Variants in TMTC1 observed in about 807,000 individuals in gnomAD.
The protein encoded by TMTC1 is transmembrane O-mannosyltransferase targeting cadherins 1.
Under a neutral mutation model 104.8 loss-of-function variants are expected in TMTC1, and 73 were observed. The ratio of observed to expected loss-of-function variants is 0.70; its 90% CI spans 0.58 to 0.85. TMTC1 has a LOEUF of 0.85. Ranked by LOEUF, TMTC1 falls within the 40% of genes least tolerant of loss-of-function variation. The pLI is 0.00. For synonymous variants in TMTC1, 434 were observed against 428.7 expected, an observed-to-expected ratio of 1.01 and a Z score of -0.15; for missense variants, 1,035 against 1,096.1, an observed-to-expected ratio of 0.94 and a Z score of 0.79.
chr12:29,530,979 C>T lies in TMTC1; in HGVS notation c.1785+5230G>A, dbSNP rs182124215. ...AACCATCCCCACTACCCATATATTC[C>T]TCTCCCACATTAGGTTAGGTCCCCT... is the stretch of plus-strand genomic sequence containing the variant. On this transcript the variant is annotated intron_variant, in intron 11 of 17. Coordinates refer to ENST00000539277, the MANE Select transcript of TMTC1 (RefSeq NM_001193451.2). Among the ~76,000 whole-genome samples, 25 of 152,112 alleles carry T rather than the reference C, an allele frequency of 1.6e-4. 1 individual carries two copies. Among genetic ancestry groups the T allele is most frequent in the African/African-American group, 5.3e-4 (22 of 41,414 alleles).
At chr12:29,784,605 A>G (rs1943914180), upstream of TMTC1, 1 of 152,200 alleles carries the variant, frequency 6.6e-6, no homozygotes, top group South Asian at 2.1e-4. Context: ...CGGCTCTTTA[A>G]CTTTACAGCC....
intron 5 of TMTC1, among the ~76,000 whole-genome samples, chr12:29,713,461 T>C (rs1941993889): frequency 6.6e-6 from 1 of 152,054 alleles, no homozygotes; most frequent in African/African-American, 2.4e-5. Context: ...CGATGCATGA[T>C]TTTGTAACAT....
At chr12:29,685,080 AT>A (rs1941049555) in intron 5 of TMTC1, among the ~76,000 whole-genome samples, 1 of 152,092 alleles carries the variant, frequency 6.6e-6, no homozygotes, top group Non-Finnish European at 1.5e-5. Context: ...ACACATTTTT[AT>A]TTTTACAGCT....
chr12:29,630,105 C>T (rs1283276903), intron 6 of TMTC1, among the ~76,000 whole-genome samples: 1 of 152,120 alleles, frequency 6.6e-6, no homozygotes, highest in Non-Finnish European at 1.5e-5. Flanking sequence ...CCTCCAACCC[C>T]ACATGTTTTC....
chr12:29,517,838 C>T (rs911739624), intron 13 of TMTC1, among the ~76,000 whole-genome samples: 1 of 152,098 alleles, frequency 6.6e-6, no homozygotes, highest in East Asian at 1.9e-4. Context: ...CCTCAGCCTC[C>T]TGAGTAGCAG....
At chr12:29,728,724 C>T (rs1183100124) in intron 5 of TMTC1, among the ~76,000 whole-genome samples, 3 of 151,642 alleles carry the variant, frequency 2.0e-5, no homozygotes, top group East Asian at 1.9e-4. Context: ...TCTGGCAAGG[C>T]GCAGTGGCTT....
At chr12:29,591,686 T>C (rs1033878681) in intron 7 of TMTC1, among the ~76,000 whole-genome samples, 1 of 152,250 alleles carries the variant, frequency 6.6e-6, no homozygotes, top group African/African-American at 2.4e-5. Context: ...CTGCTAGGCA[T>C]GCAGCACTTA....
chr12:29,747,143 G>GGT (rs1322859279), intron 5 of TMTC1, among the ~76,000 whole-genome samples: 1 of 152,100 alleles, frequency 6.6e-6, no homozygotes, highest in Non-Finnish European at 1.5e-5. Context: ...TACATATATA[G>GGT]GTGTGTATAT....
intron 5 of TMTC1, among the ~76,000 whole-genome samples, chr12:29,669,828 C>T (rs11050350): frequency 0.21 from 32,560 of 152,060 alleles, 3,899 homozygotes; most frequent in East Asian, 0.29. Context: ...AAGAGCTTTT[C>T]GATTCATTCT....
intron 7 of TMTC1, among the ~76,000 whole-genome samples, chr12:29,594,071 T>C (rs1192139902): frequency 2.6e-5 from 4 of 152,180 alleles, no homozygotes; most frequent in Non-Finnish European, 5.9e-5. Context: ...GATGGTGCCT[T>C]TACTCCAGGA....
chr12:29,756,849 T>C (rs1943227676), intron 3 of TMTC1, among the ~76,000 whole-genome samples: 1 of 152,206 alleles, frequency 6.6e-6, no homozygotes, highest in Non-Finnish European at 1.5e-5. Context: ...TTTTTTTCTA[T>C]TGAGTTGGTC....
chr12:29,507,471 C>T (rs1053751070), intron 17 of TMTC1, among the ~76,000 whole-genome samples: 4 of 152,190 alleles, frequency 2.6e-5, no homozygotes, highest in African/African-American at 9.7e-5. Context: ...TAGTCTTCAG[C>T]TTAAAACGTA....
At chr12:29,725,412 C>A (rs961396836) in intron 5 of TMTC1, among the ~76,000 whole-genome samples, 1 of 152,040 alleles carries the variant, frequency 6.6e-6, no homozygotes, top group South Asian at 2.1e-4. Flanking sequence ...CAGCTCACTG[C>A]AACCTCAGCC....
rs1183660625 is a variant in TMTC1 at position 29,505,589 on chromosome 12, AGTGT to A, written c.*1253_*1256del. On this transcript the variant is annotated 3_prime_UTR_variant, in exon 18 of 18. Transcript: ENST00000539277. The stretch of plus-strand genomic sequence containing the variant: ...CCACTTTGTACAGAGAAAAAAGAAG[AGTGT>A]GTATGTATATATTAAATATTTTATA... The A allele has an allele frequency of 3.9e-5, 6 of 152,174 alleles. No homozygotes were observed. The highest frequency in any genetic ancestry group is 9.7e-5 in the African/African-American group (4 of 41,436). The allele number at this position is 152,174 out of a possible 1,614,324, so 9.4% of individuals were successfully genotyped here. A position where few individuals can be genotyped will look rare whatever the true frequency, so the allele number is the denominator to read the frequency against.
intron 14 of TMTC1, 47 bp downstream of exon 14, chr12:29,517,380 C>G (rs1256712023): frequency 1.2e-6 from 2 of 1,610,204 alleles, no homozygotes; most frequent in Non-Finnish European, 1.7e-6. Context: ...CTCTCTATGG[C>G]TGCCTGTGCT....
chr12:29,537,889 C>A (rs576451643), intron 10 of TMTC1, among the ~76,000 whole-genome samples: 12 of 152,222 alleles, frequency 7.9e-5, no homozygotes, highest in East Asian at 7.7e-4. Flanking sequence ...CTATCATAGA[C>A]CTTGGGGAAA....
chr12:29,743,795 A>C (rs1165593892), intron 5 of TMTC1, among the ~76,000 whole-genome samples: 1 of 152,192 alleles, frequency 6.6e-6, no homozygotes, highest in African/African-American at 2.4e-5. Flanking sequence ...AGGTTACATT[A>C]AAAAAGAGAA....
intron 16 of TMTC1, among the ~76,000 whole-genome samples, chr12:29,512,889 T>A (rs1271070045): frequency 6.6e-6 from 1 of 152,230 alleles, no homozygotes; most frequent in East Asian, 1.9e-4. Context: ...ATTACAAAGC[T>A]AAGTATTTGT....
intron 2 of TMTC1, among the ~76,000 whole-genome samples, chr12:29,765,798 A>G (rs900310795): frequency 1.3e-5 from 2 of 152,214 alleles, no homozygotes; most frequent in African/African-American, 4.8e-5. Flanking sequence ...CCTAGCTTTC[A>G]TCTTCATAGG....
Sources: gnomAD v4.1 joint callset for allele counts (sites outside exome capture counted in the v4.1 genomes callset) on GRCh38, gnomAD v4.1.1 for gene constraint, MANE v1.5 for transcripts, NCBI Gene and HGNC (gene_info 2026-07-23, HGNC 2026-07-21) for gene names.